Variants in MGAT5 observed in about 807,000 individuals in gnomAD.
MGAT5 encodes alpha-1,6-mannosylglycoprotein 6-beta-N-acetylglucosaminyltransferase, also known as alpha-1,6-mannosylglycoprotein 6-beta-N-acetylglucosaminyltransferase A.
Under a neutral mutation model 94.3 loss-of-function variants are expected in MGAT5, and 30 were observed. That is an observed-to-expected ratio of 0.32 (90% confidence interval 0.24 to 0.43). MGAT5 has a LOEUF of 0.43. Among genes scored for constraint, MGAT5 ranks in the 20% least tolerant of loss-of-function variants. MGAT5 has a pLI of 1.00. For synonymous variants in MGAT5, 310 were observed against 322.9 expected, an observed-to-expected ratio of 0.96 and a Z score of 0.43; for missense variants, 691 against 905.5, an observed-to-expected ratio of 0.76 and a Z score of 3.04.
At chr2:134,124,047 T>A (rs1002024427) in intron 1 of MGAT5, among the ~76,000 whole-genome samples, 1 of 152,234 alleles carries the variant, frequency 6.6e-6, no homozygotes, top group African/African-American at 2.4e-5. Context: ...CATCCACATT[T>A]GTGACTGATG....
At chr2:134,260,735 G>A (rs374374873) in intron 1 of MGAT5, among the ~76,000 whole-genome samples, 4 of 135,054 alleles carry the variant, frequency 3.0e-5, no homozygotes, top group Non-Finnish European at 6.2e-5. Context: ...TGGGACTGTT[G>A]TGGGATAATG....
At chr2:134,150,268 CAGA>C (rs1338097440) in intron 1 of MGAT5, among the ~76,000 whole-genome samples, 1 of 152,180 alleles carries the variant, frequency 6.6e-6, no homozygotes, top group East Asian at 1.9e-4. Context: ...GCCATTGAGA[CAGA>C]AGGAGGAATA....
At chr2:134,333,662 G>A (rs1358152426) in intron 4 of MGAT5, among the ~76,000 whole-genome samples, 5 of 152,078 alleles carry the variant, frequency 3.3e-5, no homozygotes, top group African/African-American at 1.2e-4. Context: ...CTCTACTGGT[G>A]GGTTAAGCTT....
intron 12 of MGAT5, among the ~76,000 whole-genome samples, chr2:134,413,861 C>G (rs1683811786): frequency 1.3e-5 from 2 of 152,330 alleles, no homozygotes; most frequent in East Asian, 3.9e-4. Context: ...TGTAGAAGGA[C>G]AGTTTATAAA....
intron 1 of MGAT5, among the ~76,000 whole-genome samples, chr2:134,193,675 T>TTGTGTG (rs58044792): frequency 0.011 from 1,404 of 130,860 alleles, 14 homozygotes; most frequent in Middle Eastern, 0.023. Flanking sequence ...CCCCAAATCT[T>TTGTGTG]TGTGTGTGTG....
chr2:134,166,015 A>G lies in MGAT5; in HGVS notation c.-143+45724A>G, dbSNP rs533851266. On this transcript the variant is annotated intron_variant, in intron 1 of 16. Transcript: ENST00000409645. ...CCTGAGGCTCCTAGTGTCTCGGCAC[A>G]TAGCAGGTTCTCACTATAGGCATTA... is the stretch of plus-strand genomic sequence containing the variant. 7.9e-5 allele frequency among the ~76,000 whole-genome samples: 12 copies of G among 152,316 alleles called. No individual in the cohort carries two copies. In the South Asian group the frequency reaches 2.5e-3, roughly 32 times the overall value.
intron 2 of MGAT5, among the ~76,000 whole-genome samples, chr2:134,294,053 C>T (rs895432982): frequency 6.6e-6 from 1 of 152,140 alleles, no homozygotes; most frequent in Non-Finnish European, 1.5e-5. Context: ...TGGAGCACTG[C>T]ATGTTCAGTG....
chr2:134,364,464 C>T (rs938481523), intron 10 of MGAT5, among the ~76,000 whole-genome samples: 5 of 151,948 alleles, frequency 3.3e-5, no homozygotes, highest in African/African-American at 7.2e-5. Flanking sequence ...CATGCCATTG[C>T]ACTCCAGCCT....
chr2:134,189,602 G>GTTTGTTTTTTTTTTTTTTTTT (rs1689234800), intron 1 of MGAT5, among the ~76,000 whole-genome samples: 1 of 84,672 alleles, frequency 1.2e-5, no homozygotes, highest in African/African-American at 4.8e-5. Flanking sequence ...GTTTTTTTTT[G>GTTTGTTTTTTTTTTTTTTTTT]TTTTTTTTTT....
chr2:134,181,666 C>T (rs1193147704), intron 1 of MGAT5, among the ~76,000 whole-genome samples: 2 of 152,140 alleles, frequency 1.3e-5, no homozygotes, highest in East Asian at 3.8e-4. Flanking sequence ...TCACTAATTA[C>T]ATATGTATAG....
At chr2:134,407,442 G>A (rs1364411966) in intron 11 of MGAT5, among the ~76,000 whole-genome samples, 1 of 152,154 alleles carries the variant, frequency 6.6e-6, no homozygotes, top group Non-Finnish European at 1.5e-5. Flanking sequence ...GTGTACAGAG[G>A]TATGAGTCAG....
At chr2:134,223,307 C>G (rs1288102809) in intron 1 of MGAT5, among the ~76,000 whole-genome samples, 1 of 152,114 alleles carries the variant, frequency 6.6e-6, no homozygotes, top group Non-Finnish European at 1.5e-5. Context: ...GCATTTGTCC[C>G]TGGGCGTAGA....
At chr2:134,337,528 T>C (rs1014987620) in intron 5 of MGAT5, among the ~76,000 whole-genome samples, 1 of 152,134 alleles carries the variant, frequency 6.6e-6, no homozygotes, top group Non-Finnish European at 1.5e-5. Flanking sequence ...GCTATGGTGA[T>C]TACTGAAAAG....
chr2:134,335,156 T>TA (rs1436165263), intron 4 of MGAT5, among the ~76,000 whole-genome samples: 7 of 152,008 alleles, frequency 4.6e-5, no homozygotes, highest in East Asian at 1.9e-4. Flanking sequence ...TTTGAAAACT[T>TA]ACCCAGACTG....
chr2:134,176,830 G>A (rs944819036), intron 1 of MGAT5, among the ~76,000 whole-genome samples: 3 of 152,156 alleles, frequency 2.0e-5, no homozygotes, highest in African/African-American at 4.8e-5. Context: ...ACTGACCTTT[G>A]AGAGGTGGGT....
intron 1 of MGAT5, among the ~76,000 whole-genome samples, chr2:134,137,398 G>C (rs1372113503): frequency 6.6e-6 from 1 of 152,152 alleles, no homozygotes; most frequent in Non-Finnish European, 1.5e-5. Context: ...TGCTGTACCT[G>C]GATTTCTGAG....
intron 10 of MGAT5, among the ~76,000 whole-genome samples, chr2:134,387,332 A>ATATATATATATAT: frequency 1.2e-3 from 30 of 24,264 alleles, no homozygotes; most frequent in Non-Finnish European, 1.7e-3. Context: ...ATATATATAT[A>ATATATATATATAT]TTTTTTTTTT....
At chr2:134,245,248 G>A (rs1193781884) in intron 1 of MGAT5, among the ~76,000 whole-genome samples, 2 of 152,154 alleles carry the variant, frequency 1.3e-5, no homozygotes, top group East Asian at 1.9e-4. Context: ...TCCCAACCTC[G>A]TGATCCGCCC....
At chr2:134,249,906 T>G (rs892934151), upstream of MGAT5, among the ~76,000 whole-genome samples, 4 of 152,268 alleles carry the variant, frequency 2.6e-5, no homozygotes, top group African/African-American at 9.6e-5. Context: ...TTCCAATTTC[T>G]CCACATCTTC....
Sources: allele counts gnomAD v4.1 joint callset (sites outside exome capture counted in the v4.1 genomes callset), GRCh38; gene constraint gnomAD v4.1.1; transcripts MANE v1.5; gene names NCBI Gene and HGNC (gene_info 2026-07-23, HGNC 2026-07-21).